Variants in RYR2 observed in about 807,000 individuals in gnomAD.
The protein encoded by RYR2 is cardiac muscle ryanodine receptor-calcium release channel.
Under a neutral mutation model 601.1 loss-of-function variants are expected in RYR2, and 227 were observed. That is an observed-to-expected ratio of 0.38 (90% CI 0.34 to 0.42). The LOEUF is 0.42. Among genes scored for constraint, RYR2 ranks in the 10% least tolerant of loss-of-function variants. The pLI, the probability that RYR2 is intolerant of heterozygous loss-of-function variation, is 1.00. For synonymous variants in RYR2, 2,223 were observed against 2,175.1 expected, an observed-to-expected ratio of 1.02 and a Z score of -0.61; for missense variants, 4,646 against 6,156.5, an observed-to-expected ratio of 0.75 and a Z score of 8.21.
At chr1:237,392,606 C>G (rs1048590444) in intron 10 of RYR2, among the ~76,000 whole-genome samples, 1 of 152,104 alleles carries the variant, frequency 6.6e-6, no homozygotes, top group African/African-American at 2.4e-5. Context: ...CTCATTATTT[C>G]CATCCAAAAT....
intron 88 of RYR2, among the ~76,000 whole-genome samples, chr1:237,780,457 G>C (rs539154634): frequency 6.6e-6 from 1 of 152,030 alleles, no homozygotes; most frequent in South Asian, 2.1e-4. Flanking sequence ...GAAAGAAAAC[G>C]TCTCATCTTC....
At chr1:237,371,595 TA>T (rs1350693953) in intron 6 of RYR2, among the ~76,000 whole-genome samples, 2 of 152,238 alleles carry the variant, frequency 1.3e-5, no homozygotes, top group Non-Finnish European at 2.9e-5. Context: ...TCATTCCTTT[TA>T]AAAAGTAGAT....
chr1:237,262,493 T>C (rs12760506), intron 1 of RYR2, among the ~76,000 whole-genome samples: 81 of 151,942 alleles, frequency 5.3e-4, no homozygotes, highest in Admixed American at 9.2e-4. Flanking sequence ...CTGGCCTCAG[T>C]TGATCCACCC....
At chr1:237,808,817 A>C (rs1230098540) in intron 99 of RYR2, 84 bp from the exon 100 acceptor site, 1 of 1,332,988 alleles carries the variant, frequency 7.5e-7, no homozygotes. Context: ...TTCTCACTAG[A>C]GCACTCGCCG....
chr1:237,470,530 T>C (rs1660603455), intron 17 of RYR2, among the ~76,000 whole-genome samples: 1 of 152,088 alleles, frequency 6.6e-6, no homozygotes, highest in Non-Finnish European at 1.5e-5. Flanking sequence ...GCAGCAGAAG[T>C]AAGATAGAAA....
intron 89 of RYR2, among the ~76,000 whole-genome samples, chr1:237,783,257 A>G (rs1420971120): frequency 6.6e-6 from 1 of 152,210 alleles, no homozygotes; most frequent in Non-Finnish European, 1.5e-5. Context: ...GTTAACAAAA[A>G]GTACCTGCCT....
chr1:237,614,603 C>T lies in RYR2; in HGVS notation c.5475C>T (p.Phe1825=), dbSNP rs1678257570. The part of the protein sequence containing the change: ...EFLFVPLIKL[F]YTLLIMGIFH... ...TCTTTGTACCTCTCATCAAGCTTTT[C>T]TATACCCTGCTGATCATGGGCATCT... Residue 1825 remains phenylalanine, a synonymous_variant, in exon 37 of 105, where the codon TTC becomes TTT. Coordinates refer to ENST00000366574, the MANE Select transcript of RYR2 (RefSeq NM_001035.3). The surrounding 1 kb of genome is among the most constrained non-coding windows in gnomAD (Gnocchi z 4.3). The T allele has an allele frequency of 1.2e-6, 2 of 1,614,052 alleles. No individual in the cohort carries two copies. The highest frequency in any genetic ancestry group is 1.7e-6 in the Non-Finnish European group (2 of 1,179,900).
intron 1 of RYR2, among the ~76,000 whole-genome samples, chr1:237,171,212 C>T (rs868013992): frequency 2.7e-4 from 39 of 141,820 alleles, no homozygotes; most frequent in Middle Eastern, 3.4e-3. Context: ...CCAGCCTGGG[C>T]GACAGAGCAA....
intron 1 of RYR2, among the ~76,000 whole-genome samples, chr1:237,240,679 A>C (rs1055266777): frequency 1.3e-5 from 2 of 148,156 alleles, no homozygotes; most frequent in African/African-American, 4.9e-5. Flanking sequence ...AAAAAAAAAA[A>C]AAAAAAAAAA....
chr1:237,356,193 G>A lies in RYR2; in HGVS notation c.294+208G>A, dbSNP rs532502095. Among the ~76,000 whole-genome samples the A allele has an allele frequency of 5.3e-5, 8 of 152,014 alleles. No individual in the cohort carries two copies. In the East Asian group the frequency reaches 1.5e-3, roughly 29 times the overall value. The stretch of plus-strand genomic sequence containing the variant: ...TTCATCTGAAATGGGGCATATTAAA[G>A]TACTTTCCATCCCTAGAACCACATA... On this transcript the variant is annotated intron_variant, in intron 4 of 104. Coordinates refer to ENST00000366574, the MANE Select transcript of RYR2 (RefSeq NM_001035.3).
In RYR2 at chr1:237,107,519, C is replaced by CAAAAAAGAAAAAAAA. The variant is rs1668864190; in HGVS notation, c.48+64956_48+64957insGAAAAAAAAAAAAAA. ...TGGGAGACAGAGTGAGACTCCATCT[C>CAAAAAAGAAAAAAAA]AAAAAAAAAAAAAAAAAGGAAACAT... On this transcript the variant is annotated intron_variant, in intron 1 of 104. Transcript: ENST00000366574. Among the ~76,000 whole-genome samples, 2 of 38,900 alleles carry CAAAAAAGAAAAAAAA rather than the reference C, an allele frequency of 5.1e-5. 1 individual carries two copies. Among genetic ancestry groups the CAAAAAAGAAAAAAAA allele is most frequent in the Non-Finnish European group, 1.0e-4 (2 of 19,368 alleles). 25.5% of individuals were successfully genotyped at this position (38,900 alleles called of 152,430 possible).
chr1:237,109,730 A>AT (rs1040663550), intron 1 of RYR2, among the ~76,000 whole-genome samples: 60 of 94,860 alleles, frequency 6.3e-4, no homozygotes, highest in Middle Eastern at 5.8e-3. Flanking sequence ...TCAAAAAAAA[A>AT]AATAATAATA....
intron 62 of RYR2, among the ~76,000 whole-genome samples, chr1:237,683,761 T>A (rs1686104859): frequency 6.6e-6 from 1 of 152,164 alleles, no homozygotes; most frequent in Non-Finnish European, 1.5e-5. Flanking sequence ...AGAGCTTCCC[T>A]CTGAGAAATA....
chr1:237,489,283 C>T (rs1486990917), intron 17 of RYR2, among the ~76,000 whole-genome samples: 1 of 152,048 alleles, frequency 6.6e-6, no homozygotes, highest in Non-Finnish European at 1.5e-5. Flanking sequence ...AATAGTCTAC[C>T]CACATCTCCA....
At chr1:237,450,645 G>T (rs1370823168) in intron 14 of RYR2, among the ~76,000 whole-genome samples, 1 of 152,176 alleles carries the variant, frequency 6.6e-6, no homozygotes, top group African/African-American at 2.4e-5. Flanking sequence ...CTTATTTCCA[G>T]ATGAGATTCC....
At chr1:237,741,409 A>T (rs1345293939) in intron 79 of RYR2, among the ~76,000 whole-genome samples, 1 of 152,034 alleles carries the variant, frequency 6.6e-6, no homozygotes, top group African/African-American at 2.4e-5. Flanking sequence ...CACCCCATGG[A>T]AACATTGAAT....
intron 47 of RYR2, among the ~76,000 whole-genome samples, chr1:237,641,471 G>GTCTGTCTT (rs1260670992): frequency 6.4e-5 from 7 of 108,616 alleles, no homozygotes; most frequent in African/African-American, 1.5e-4. Flanking sequence ...GTGTCTGTCT[G>GTCTGTCTT]TCTTTCTTTC....
At chr1:237,268,280 C>CA (rs1204054579) in intron 1 of RYR2, among the ~76,000 whole-genome samples, 4 of 152,196 alleles carry the variant, frequency 2.6e-5, no homozygotes, top group Non-Finnish European at 4.4e-5. Context: ...GTAGGTGAGA[C>CA]AAAATAGTAA....
chr1:237,593,529 G>A lies in RYR2; in HGVS notation c.4329G>A (p.Val1443=), dbSNP rs397516531. 19 of 1,613,844 alleles carry A rather than the reference G, an allele frequency of 1.2e-5. No individual in the cohort carries two copies. Among genetic ancestry groups the A allele is most frequent in the Admixed American group, 1.7e-5 (1 of 60,018 alleles). ...GACAAGAACCTGCTAATGTCTGGGT[G>A]GGCTGGATTACATCAGATTTCCATC... ...FPGQEPANVW[V]GWITSDFHQY... is the part of the protein sequence containing the mutation. The change falls in exon 33 of 105, where the codon GTG becomes GTA. Residue 1443 remains valine, a synonymous_variant. Coordinates refer to ENST00000366574, the MANE Select transcript of RYR2 (RefSeq NM_001035.3).
Sources: gnomAD v4.1 joint callset for allele counts (sites outside exome capture counted in the v4.1 genomes callset) on GRCh38, gnomAD v4.1.1 for gene constraint, Gnocchi (gnomAD v3.1) non-coding constraint, MANE v1.5 for transcripts, NCBI Gene and HGNC (gene_info 2026-07-23, HGNC 2026-07-21) for gene names.